The following NCKAP5L variants were observed in gnomAD, a reference collection of about 807,000 sequenced individuals.
NCKAP5L encodes nck-associated protein 5-like.
Under a neutral mutation model 103.2 loss-of-function variants are expected in NCKAP5L, and 54 were observed. The observed-to-expected ratio is 0.52, with a 90% CI of 0.42 to 0.66. The LOEUF (loss-of-function observed/expected upper bound fraction) is 0.66, where lower values mean the gene tolerates loss of function less well. NCKAP5L is among the 30% of genes least tolerant of loss of function. The probability of loss-of-function intolerance (pLI) is 0.00; values close to 1 mark genes in which losing one functional copy is unlikely to be tolerated. For missense variants in NCKAP5L, 1,733 were observed against 1,750.6 expected (o/e 0.99, Z 0.18); for synonymous variants, 762 against 748.6 (o/e 1.02, Z -0.29).
chr12:49,822,041 T>G (rs1004980164), intron 1 of NCKAP5L, among the ~76,000 whole-genome samples: 1 of 152,002 alleles, frequency 6.6e-6, no homozygotes, highest in African/African-American at 2.4e-5. Flanking sequence ...GGTGGTGCTG[T>G]GGGAGGTAAA....
At chr12:49,802,776 CAG>C in intron 5 of NCKAP5L, 180 bp downstream of exon 5, 1 of 655,542 alleles carries the variant, frequency 1.5e-6, no homozygotes. Context: ...GACCACTGCT[CAG>C]AGACCTGGCC....
At position 49,804,416 on chromosome 12, in the gene NCKAP5L, T is replaced by G. The variant is rs1946157273; in HGVS notation, c.-36-336A>C. The G allele has an allele frequency of 1.9e-5, 3 of 159,534 alleles. No individual in the cohort carries two copies. The Admixed American group carries it at 1.9e-4, about 10-fold the overall frequency. 9.9% of individuals were successfully genotyped at this position (159,534 alleles called of 1,614,324 possible). On this transcript the variant is annotated intron_variant, in intron 2 of 12. Transcript: ENST00000335999. ...AATATCCCCTAATCTCATTCAGTGT[T>G]TGCAAACAAAGATTAGGTCTGTGAA...
chr12:49,802,568 C>T (rs1327448504), intron 5 of NCKAP5L: 1 of 190,640 alleles, frequency 5.2e-6, no homozygotes, highest in Non-Finnish European at 1.1e-5. Context: ...AGAAACCACA[C>T]ATCAAAAAAG....
intron 1 of NCKAP5L, among the ~76,000 whole-genome samples, chr12:49,820,178 T>C (rs1417746844): frequency 6.6e-6 from 1 of 152,128 alleles, no homozygotes; most frequent in Non-Finnish European, 1.5e-5. Flanking sequence ...AGCTGACCAC[T>C]GAAACATCAG....
In NCKAP5L at chr12:49,796,337, C is replaced by A; in HGVS notation, c.1523G>T (p.Gly508Val). The stretch of plus-strand genomic sequence containing the variant: ...CGCCCCCTCTGGGGACAGCTCTCCT[C>A]CACCCAGACCCCTTCGGGCCAACAG... The part of the protein sequence containing the change: ...SPLLARRGLG[G>V]GELSPEGAQG... The change falls in exon 8 of 13, where the codon GGA (glycine) becomes GTA (valine). Residue 508 changes from glycine to valine, a missense_variant. By Grantham distance (109) the Gly-to-Val change is moderately radical. Transcript: ENST00000335999. The A allele has an allele frequency of 6.4e-7, 1 of 1,551,014 alleles. No individual in the cohort carries two copies. The highest frequency in any genetic ancestry group is 2.3e-5 in the East Asian group (1 of 44,126).
In NCKAP5L at chr12:49,791,247, G is replaced by T; in HGVS notation, c.*592C>A. The T allele has an allele frequency of 6.5e-6, 1 of 153,290 alleles. No homozygotes were observed. The allele number at this position is 153,290 out of a possible 1,614,324, so 9.5% of individuals were successfully genotyped here. On this transcript the variant is annotated 3_prime_UTR_variant, in exon 13 of 13. Coordinates refer to ENST00000335999, the MANE Select transcript of NCKAP5L (RefSeq NM_001037806.4). ...AACACATAAATTAACCGCAGTGCGG[G>T]GCTGGGGGCTGGGGGCTGGGCCAGG...
chr12:49,807,246 C>CGTGTGTGTGTGTGT (rs67299530), intron 1 of NCKAP5L, among the ~76,000 whole-genome samples: 2 of 149,162 alleles, frequency 1.3e-5, no homozygotes, highest in Admixed American at 1.3e-4. Flanking sequence ...AATGCTTCTT[C>CGTGTGTGTGTGTGT]GTGTGTGTGT....
At position 49,794,962 on chromosome 12, in the gene NCKAP5L, G is replaced by A; in HGVS notation, c.2898C>T (p.Leu966=). 6.3e-7 allele frequency: 1 copy of A among 1,586,534 alleles called. No homozygotes were observed. Among genetic ancestry groups the A allele is most frequent in the Non-Finnish European group, 8.6e-7 (1 of 1,167,216 alleles). The change falls in exon 8 of 13, where the codon CTC becomes CTT. Residue 966 remains leucine, a synonymous_variant. Coordinates refer to ENST00000335999, the MANE Select transcript of NCKAP5L (RefSeq NM_001037806.4). ...CCTTGGCCATCAGCTTGGAGATGTT[G>A]AGGCTCTCGGCCTCCAGCTTCCGGG... ...MEARKLEAES[L]NISKLMAKAE...
At chr12:49,808,262 C>T (rs1946202355) in intron 1 of NCKAP5L, among the ~76,000 whole-genome samples, 1 of 152,202 alleles carries the variant, frequency 6.6e-6, no homozygotes, top group Admixed American at 6.5e-5. Context: ...CCAGTGGTCA[C>T]AGTTCTTCTT....
At position 49,797,898 on chromosome 12, in the gene NCKAP5L, C is replaced by T. The variant is rs1402842168; in HGVS notation, c.465+452G>A. 1.3e-5 allele frequency among the ~76,000 whole-genome samples: 2 copies of T among 152,174 alleles called. No homozygotes were observed. Among genetic ancestry groups the T allele is most frequent in the African/African-American group, 2.4e-5 (1 of 41,432 alleles). On this transcript the variant is annotated intron_variant, in intron 7 of 12. Coordinates refer to ENST00000335999, the MANE Select transcript of NCKAP5L (RefSeq NM_001037806.4). The surrounding 1 kb of genome is among the most constrained non-coding windows in gnomAD (Gnocchi z 4.5). The stretch of plus-strand genomic sequence containing the variant: ...CCCAGCAGAAAGGGGTTGGGGGTGA[C>T]GCCATGCCCAGCCCTTTCTCAGGTG...
chr12:49,827,123 GC>G (rs887006015), intron 1 of NCKAP5L, among the ~76,000 whole-genome samples: 8 of 152,200 alleles, frequency 5.3e-5, no homozygotes, highest in African/African-American at 1.9e-4. Context: ...GGGAGGGTCT[GC>G]AACAAGGCAA....
chr12:49,823,991 G>A (rs1946388792), intron 1 of NCKAP5L, among the ~76,000 whole-genome samples: 1 of 152,218 alleles, frequency 6.6e-6, no homozygotes, highest in African/African-American at 2.4e-5. Context: ...GGCGGTGGGG[G>A]GTGAGGGTGC....
In NCKAP5L at chr12:49,791,895, C is replaced by T. The variant is rs1945940238; in HGVS notation, c.3949G>A (p.Glu1317Lys). 1 of 1,612,300 alleles carries T rather than the reference C, an allele frequency of 6.2e-7. No individual in the cohort carries two copies. The highest frequency in any genetic ancestry group is 1.3e-5 in the African/African-American group (1 of 74,924). Residue 1317 changes from glutamate to lysine, a missense_variant, in exon 13 of 13, where the codon GAG (glutamate) becomes AAG (lysine). By Grantham distance (56) the Glu-to-Lys change is moderately conservative (BLOSUM62 1). Coordinates refer to ENST00000335999, the MANE Select transcript of NCKAP5L (RefSeq NM_001037806.4). Reference sequence around the variant, plus strand: ...TCGTAGAGTGAGTCACTGAGAGACTCCGAGGTCTCCAGCCCTGGGGGGCCC... The same window carrying T: ...TCGTAGAGTGAGTCACTGAGAGACTTCGAGGTCTCCAGCCCTGGGGGGCCC... The part of the protein sequence containing the change: ...SGGPPGLETS[E>K]SLSDSLYDSL...
At position 49,791,671 on chromosome 12, in the gene NCKAP5L, G is replaced by C. The variant is rs1398815489; in HGVS notation, c.*168C>G. ...GCTGAGCACGGTCATCTCATCCGCC[G>C]AAGCAGTGGGTGGTGGGGTGTGCCA... On this transcript the variant is annotated 3_prime_UTR_variant, in exon 13 of 13. Coordinates refer to ENST00000335999, the MANE Select transcript of NCKAP5L (RefSeq NM_001037806.4). 1 of 575,278 alleles carries C rather than the reference G, an allele frequency of 1.7e-6. No individual in the cohort carries two copies. Among genetic ancestry groups the C allele is most frequent in the Admixed American group, 3.4e-5 (1 of 29,202 alleles). The allele number at this position is 575,278 out of a possible 1,614,324, so 35.6% of individuals were successfully genotyped here.
At chr12:49,823,315 T>G (rs1008773940) in intron 1 of NCKAP5L, among the ~76,000 whole-genome samples, 2 of 151,800 alleles carry the variant, frequency 1.3e-5, no homozygotes, top group African/African-American at 4.8e-5. Flanking sequence ...GTTCTGGGGG[T>G]GTCTGAACAG....
At chr12:49,821,277 A>T (rs1946359129) in intron 1 of NCKAP5L, among the ~76,000 whole-genome samples, 1 of 152,070 alleles carries the variant, frequency 6.6e-6, no homozygotes. Flanking sequence ...ACTTCCCCTC[A>T]GCCTGGAATG....
chr12:49,809,624 A>G (rs915282375), intron 1 of NCKAP5L, among the ~76,000 whole-genome samples: 4 of 152,070 alleles, frequency 2.6e-5, no homozygotes, highest in African/African-American at 9.7e-5. Flanking sequence ...TTTACCAGTC[A>G]CACCCAAGAA....
At chr12:49,814,383 C>T (rs1946275240) in intron 1 of NCKAP5L, among the ~76,000 whole-genome samples, 1 of 150,048 alleles carries the variant, frequency 6.7e-6, no homozygotes, top group Non-Finnish European at 1.5e-5. Flanking sequence ...ATTCGGGAGG[C>T]TGAGGCAGGA....
At chr12:49,802,458 A>G (rs1946130789) in intron 5 of NCKAP5L, 1 of 165,752 alleles carries the variant, frequency 6.0e-6, no homozygotes, top group Admixed American at 5.8e-5. Flanking sequence ...CATGTTGGCC[A>G]GGATAGTCTT....
Sources: gnomAD v4.1 joint callset for allele counts (sites outside exome capture counted in the v4.1 genomes callset) on GRCh38, gnomAD v4.1.1 for gene constraint, Gnocchi (gnomAD v3.1) non-coding constraint, MANE v1.5 for transcripts, NCBI Gene and HGNC (gene_info 2026-07-23, HGNC 2026-07-21) for gene names.